GOLGA5: variants seen among roughly 807,000 people sequenced by gnomAD.
GOLGA5 encodes golgin subfamily A member 5.
GOLGA5 carries 50 observed loss-of-function variants against 93.5 expected under a neutral mutation model. The observed-to-expected ratio is 0.53, with a 90% confidence interval of 0.43 to 0.68. The LOEUF (loss-of-function observed/expected upper bound fraction) is 0.68. Ranked by LOEUF, GOLGA5 falls within the 30% of genes least tolerant of loss-of-function variation. The pLI, the probability that GOLGA5 is intolerant of heterozygous loss-of-function variation, is 0.00. For missense variants in GOLGA5, 760 were observed against 856.4 expected, an observed-to-expected ratio of 0.89 and a Z score of 1.40; for synonymous variants, 312 against 304.5, an observed-to-expected ratio of 1.02 and a Z score of -0.26.
chr14:92,833,168 A>G lies in GOLGA5; in HGVS notation c.1766A>G (p.Asn589Ser). Residue 589 changes from asparagine (N) to serine (S), a missense_variant, in exon 10 of 13, where the codon AAT (asparagine) becomes AGT (serine). Asn to Ser is a conservative substitution (Grantham distance 46). Transcript: ENST00000163416. The stretch of plus-strand genomic sequence containing the variant: ...AATAGCAGTCAGTCTGAGTTAGAAA[A>G]TCGACTCCATCAGCTAACAGAGACT... ...LSNSSQSELE[N>S]RLHQLTETLI... 2 of 1,610,304 alleles carry G rather than the reference A, an allele frequency of 1.2e-6. No homozygotes were observed. Among genetic ancestry groups the G allele is most frequent in the South Asian group, 2.2e-5 (2 of 90,938 alleles).
At chr14:92,837,506 T>G (rs34844421) in intron 12 of GOLGA5, 57 bp downstream of exon 12, 9,965 of 618,570 alleles carry the variant, frequency 0.016, 143 homozygotes, top group Non-Finnish European at 0.021. Context: ...TAGTTTTTTT[T>G]TTTGTTTGTT....
chr14:92,830,095 G>C (rs151326154), intron 9 of GOLGA5, among the ~76,000 whole-genome samples: 10,074 of 152,198 alleles, frequency 0.066, 399 homozygotes, highest in Middle Eastern at 0.12. Context: ...GAGGCAGGTG[G>C]ATCATCTGAG....
At chr14:92,836,443 T>C (rs541185440) in intron 11 of GOLGA5, among the ~76,000 whole-genome samples, 1 of 152,346 alleles carries the variant, frequency 6.6e-6, no homozygotes, top group East Asian at 1.9e-4. Context: ...ACTATTCATT[T>C]ATTCAACATA....
At chr14:92,815,850 C>T (rs1885192644) in intron 6 of GOLGA5, among the ~76,000 whole-genome samples, 1 of 151,848 alleles carries the variant, frequency 6.6e-6, no homozygotes, top group Admixed American at 6.6e-5. Flanking sequence ...ACTACAGGCA[C>T]CTGCCACCAT....
Position 92,811,653 on chromosome 14 carries a change from G to A in GOLGA5, c.1219G>A (p.Val407Ile). ...AAAATACTCAGATGAGAAGAAGAGG[G>A]TTGATGAACTGCAGCAGCAAGTCAA... ...ERKYSDEKKR[V>I]DELQQQVKLY... is the part of the protein sequence containing the mutation. Residue 407 changes from valine to isoleucine, a missense_variant, in exon 6 of 13, where the codon GTT becomes ATT. Coordinates refer to ENST00000163416, the MANE Select transcript of GOLGA5 (RefSeq NM_005113.4). The A allele has an allele frequency of 6.2e-7, 1 of 1,612,336 alleles. No homozygotes were observed. Among genetic ancestry groups the A allele is most frequent in the Non-Finnish European group, 8.5e-7 (1 of 1,178,770 alleles).
chr14:92,828,606 A>G (rs1379613612), intron 9 of GOLGA5, among the ~76,000 whole-genome samples: 2 of 152,208 alleles, frequency 1.3e-5, no homozygotes, highest in Non-Finnish European at 2.9e-5. Flanking sequence ...TACAATATCC[A>G]TTTGGCAGCC....
chr14:92,839,553 CACT>C lies in GOLGA5; in HGVS notation c.*110_*112del. On this transcript the variant is annotated 3_prime_UTR_variant, in exon 13 of 13. Transcript: ENST00000163416. ...AGAACAGTGCACAAGATTATTTTAT[CACT>C]ACAAGCTTTTAACTTTTTAAGTTAT... 2 of 700,630 alleles carry C rather than the reference CACT, an allele frequency of 2.9e-6. No individual in the cohort carries two copies. The highest frequency in any genetic ancestry group is 2.3e-5 in the Admixed American group (1 of 44,008). 43.4% of individuals were successfully genotyped at this position (700,630 alleles called of 1,614,324 possible). A position where few individuals can be genotyped will look rare whatever the true frequency, so the allele number is the denominator to read the frequency against.
chr14:92,825,691 T>G (rs2140330484), intron 9 of GOLGA5, among the ~76,000 whole-genome samples: 1 of 149,380 alleles, frequency 6.7e-6, no homozygotes, highest in South Asian at 2.1e-4. Context: ...TGAGACCTTG[T>G]CTCTACAAAA....
chr14:92,802,417 A>G (rs1884893355), intron 2 of GOLGA5, among the ~76,000 whole-genome samples: 1 of 152,134 alleles, frequency 6.6e-6, no homozygotes, highest in Non-Finnish European at 1.5e-5. Context: ...TAGATTTTCA[A>G]CAACACAATT....
Position 92,839,815 on chromosome 14 carries a change from G to GA in GOLGA5, c.*369_*370insA. The stretch of plus-strand genomic sequence containing the variant: ...TTGTATTTAGTGACAAAAATAAAAA[G>GA]TTTTTTTTTATAATTCAGTCTGCTT... On this transcript the variant is annotated 3_prime_UTR_variant, in exon 13 of 13. Coordinates refer to ENST00000163416, the MANE Select transcript of GOLGA5 (RefSeq NM_005113.4). 1 of 206,766 alleles carries GA rather than the reference G, an allele frequency of 4.8e-6. No individual in the cohort carries two copies. Among genetic ancestry groups the GA allele is most frequent in the Non-Finnish European group, 9.7e-6 (1 of 103,188 alleles). 12.8% of individuals were successfully genotyped at this position (206,766 alleles called of 1,614,324 possible). A position where few individuals can be genotyped will look rare whatever the true frequency, so the allele number is the denominator to read the frequency against.
Position 92,799,609 on chromosome 14 carries a change from TTATTTA to T in GOLGA5, c.544+1630_544+1635del, listed in dbSNP as rs553159858. On this transcript the variant is annotated intron_variant, in intron 2 of 12. Transcript: ENST00000163416. Reference sequence around the variant, plus strand: ...TTTTTTAATGTTTTTATTTATTTATTTATTTATTTTTTTGTGAGACGGAGTCTCGCT... The same window carrying T: ...TTTTTTAATGTTTTTATTTATTTATTTTTTTTTGTGAGACGGAGTCTCGCT... Among the ~76,000 whole-genome samples the T allele has an allele frequency of 2.6e-3, 395 of 150,140 alleles. 2 individuals are homozygous for T. Among genetic ancestry groups the T allele is most frequent in the African/African-American group, 9.2e-3 (374 of 40,744 alleles).
intron 3 of GOLGA5, 64 bp downstream of exon 3, chr14:92,807,027 C>A: frequency 8.8e-7 from 1 of 1,140,440 alleles, no homozygotes; most frequent in Non-Finnish European, 1.3e-6. Context: ...AGGCTGGACG[C>A]AGTGGCTCGT....
intron 1 of GOLGA5, among the ~76,000 whole-genome samples, chr14:92,795,275 C>G (rs1884701169): frequency 6.6e-6 from 1 of 152,142 alleles, no homozygotes; most frequent in Admixed American, 6.5e-5. Context: ...CATTTCATCT[C>G]CATTTTCATT....
At chr14:92,807,044 A>G (rs1885002809) in intron 3 of GOLGA5, 81 bp downstream of exon 3, 3 of 953,558 alleles carry the variant, frequency 3.1e-6, no homozygotes, top group South Asian at 2.8e-5. Context: ...TCGTGCCTGT[A>G]ATCCCAGCAC....
chr14:92,811,806 A>G (rs1885108186), intron 6 of GOLGA5, 52 bp downstream of exon 6: 2 of 1,273,180 alleles, frequency 1.6e-6, no homozygotes, highest in East Asian at 2.3e-5. Flanking sequence ...GTTAACTGAA[A>G]GGCAATTTGA....
intron 5 of GOLGA5, 77 bp downstream of exon 5, chr14:92,810,454 T>A: frequency 9.2e-7 from 1 of 1,092,428 alleles, no homozygotes; most frequent in Non-Finnish European, 1.3e-6. Flanking sequence ...CATAGCACAT[T>A]AACTGTCTAA....
At chr14:92,818,212 T>A (rs778719801) in intron 7 of GOLGA5, among the ~76,000 whole-genome samples, 28 of 152,214 alleles carry the variant, frequency 1.8e-4, no homozygotes, top group Middle Eastern at 3.2e-3. Context: ...CAATGTATAA[T>A]AAGTGTTAGG....
chr14:92,836,251 C>T (rs1885639391), intron 11 of GOLGA5, among the ~76,000 whole-genome samples: 2 of 152,060 alleles, frequency 1.3e-5, no homozygotes, highest in Admixed American at 1.3e-4. Flanking sequence ...CTACTGTACC[C>T]TTTTTCTTTG....
chr14:92,815,958 G>A lies in GOLGA5; in HGVS notation c.1321-293G>A, dbSNP rs527883281. On this transcript the variant is annotated intron_variant, in intron 6 of 12. Transcript: ENST00000163416. ...CTGACCTCGTGATCCGCCCGCCTCA[G>A]CCTCCCAAAGTGCTGGGATTACAGG... is the stretch of plus-strand genomic sequence containing the variant. 2.0e-5 allele frequency among the ~76,000 whole-genome samples: 3 copies of A among 152,068 alleles called. No homozygotes were observed. The East Asian group carries it at 5.8e-4, about 29-fold the overall frequency.
Sources: allele counts gnomAD v4.1 joint callset (sites outside exome capture counted in the v4.1 genomes callset), GRCh38; gene constraint gnomAD v4.1.1; transcripts MANE v1.5; gene names NCBI Gene and HGNC (gene_info 2026-07-23, HGNC 2026-07-21).